The following MOB1B variants were observed in gnomAD, a reference collection of about 807,000 sequenced individuals.
MOB1B encodes MOB kinase activator 1B.
MOB1B carries 19 observed loss-of-function variants against 24.4 expected under a neutral mutation model. The observed-to-expected ratio is 0.78, with a 90% CI of 0.54 to 1.14. MOB1B has a LOEUF of 1.14. Ranked by LOEUF, MOB1B falls within the 50% of genes most tolerant of loss-of-function variation. The pLI is 0.00. For missense variants in MOB1B, 243 were observed against 259.6 expected (o/e 0.94, Z 0.44); for synonymous variants, 76 against 82.1 (o/e 0.93, Z 0.40).
At chr4:70,938,990 G>T (rs957147174) in intron 1 of MOB1B, among the ~76,000 whole-genome samples, 1 of 152,084 alleles carries the variant, frequency 6.6e-6, no homozygotes, top group Non-Finnish European at 1.5e-5. Context: ...CTGGCCCCTT[G>T]CAGTTCAAAT....
intron 1 of MOB1B, among the ~76,000 whole-genome samples, chr4:70,940,175 T>C (rs1037697583): frequency 6.6e-6 from 1 of 152,102 alleles, no homozygotes; most frequent in African/African-American, 2.4e-5. Flanking sequence ...GGGGTTTTTA[T>C]AGGCACAGGA....
At chr4:70,920,651 T>G (rs1736396887) in intron 1 of MOB1B, among the ~76,000 whole-genome samples, 1 of 152,220 alleles carries the variant, frequency 6.6e-6, no homozygotes, top group Non-Finnish European at 1.5e-5. Flanking sequence ...CTTACCCTTT[T>G]GCCAGCATGC....
At chr4:70,902,601 C>T (rs1196199498) in intron 1 of MOB1B, 51 bp downstream of exon 1, 2 of 1,501,290 alleles carry the variant, frequency 1.3e-6, no homozygotes, top group Non-Finnish European at 8.9e-7. Context: ...GGACCTGGGC[C>T]CCCGCCCGCC....
At chr4:70,971,707 A>C (rs540089070) in intron 3 of MOB1B, among the ~76,000 whole-genome samples, 3 of 152,158 alleles carry the variant, frequency 2.0e-5, no homozygotes, top group Non-Finnish European at 2.9e-5. Context: ...TCACTTGTGA[A>C]AATAGATGTC....
intron 1 of MOB1B, among the ~76,000 whole-genome samples, chr4:70,957,130 C>T (rs1335930310): frequency 2.7e-5 from 4 of 147,926 alleles, no homozygotes; most frequent in Non-Finnish European, 4.5e-5. Flanking sequence ...ATTCCACTTC[C>T]GTATTCATAT....
intron 1 of MOB1B, 51 bp from the exon 2 acceptor site, chr4:70,958,823 G>T: frequency 6.7e-7 from 1 of 1,482,294 alleles, no homozygotes; most frequent in South Asian, 1.2e-5. Context: ...TGACTCTATT[G>T]AATGTCATGC....
intron 1 of MOB1B, among the ~76,000 whole-genome samples, chr4:70,935,847 A>ATTTTTTT (rs11395356): frequency 6.0e-5 from 6 of 100,384 alleles, no homozygotes; most frequent in Admixed American, 1.3e-4. Flanking sequence ...TGGTACACTA[A>ATTTTTTT]TTTTTTTTTT....
rs572370590 is a variant in MOB1B at position 70,902,390 on chromosome 4, C to G, written c.-147C>G. 2.5e-6 allele frequency: 2 copies of G among 785,982 alleles called. No homozygotes were observed. Among genetic ancestry groups the G allele is most frequent in the South Asian group, 1.5e-5 (1 of 68,702 alleles). The allele number at this position is 785,982 out of a possible 1,614,324, so 48.7% of individuals were successfully genotyped here. A position where few individuals can be genotyped will look rare whatever the true frequency, so the allele number is the denominator to read the frequency against. On this transcript the variant is annotated 5_prime_UTR_variant, in exon 1 of 6. Coordinates refer to ENST00000309395, the MANE Select transcript of MOB1B (RefSeq NM_173468.4). ...TGCCATTGGAACTAGCTGAGCCGAA[C>G]TAGTTGCGGCCACCGAGCAGCCGGC...
At chr4:70,910,101 C>T (rs1393280205) in intron 1 of MOB1B, among the ~76,000 whole-genome samples, 4 of 151,386 alleles carry the variant, frequency 2.6e-5, no homozygotes, top group East Asian at 1.9e-4. Flanking sequence ...AGTGTAGTGG[C>T]GCTATCTTGG....
chr4:70,915,987 C>G (rs1578347407), intron 1 of MOB1B, among the ~76,000 whole-genome samples: 2 of 152,228 alleles, frequency 1.3e-5, no homozygotes, highest in East Asian at 3.9e-4. Flanking sequence ...GGTACCTATG[C>G]TGTCAGGAAT....
intron 2 of MOB1B, among the ~76,000 whole-genome samples, chr4:70,959,476 G>T (rs374306372): frequency 1.3e-5 from 2 of 152,044 alleles, no homozygotes; most frequent in South Asian, 4.1e-4. Context: ...AGCCTTTCAC[G>T]GTGCTAGGAT....
intron 1 of MOB1B, among the ~76,000 whole-genome samples, chr4:70,938,253 G>A (rs1560643911): frequency 7.6e-6 from 1 of 130,912 alleles, no homozygotes; most frequent in Non-Finnish European, 1.6e-5. Flanking sequence ...TTATTTCCTT[G>A]AAGAACTCCT....
At chr4:70,980,463 C>G (rs1040301058) in intron 5 of MOB1B, among the ~76,000 whole-genome samples, 13 of 152,188 alleles carry the variant, frequency 8.5e-5, no homozygotes, top group Admixed American at 3.9e-4. Flanking sequence ...GGGATTGATA[C>G]ATAGCATTTA....
At chr4:70,937,171 A>G (rs1202329502) in intron 1 of MOB1B, among the ~76,000 whole-genome samples, 1 of 151,960 alleles carries the variant, frequency 6.6e-6, no homozygotes, top group Non-Finnish European at 1.5e-5. Flanking sequence ...TCCTGCCTCA[A>G]CTTCCCAAAG....
chr4:70,904,413 C>T lies in MOB1B; in HGVS notation c.14+1863C>T, dbSNP rs535377102. Among the ~76,000 whole-genome samples the T allele has an allele frequency of 1.9e-3, 283 of 152,178 alleles. 1 individual carries two copies. The highest frequency in any genetic ancestry group is 6.4e-3 in the African/African-American group (267 of 41,532). ...TTTAGAAGCTGTATTCAAAATAGCA[C>T]TGTAGATGATATCCATGACTACTGC... is the stretch of plus-strand genomic sequence containing the variant. On this transcript the variant is annotated intron_variant, in intron 1 of 5. Coordinates refer to ENST00000309395, the MANE Select transcript of MOB1B (RefSeq NM_173468.4).
intron 3 of MOB1B, among the ~76,000 whole-genome samples, chr4:70,973,494 CAT>C (rs952383077): frequency 8.5e-6 from 1 of 117,778 alleles, no homozygotes; most frequent in Non-Finnish European, 1.8e-5. Context: ...AAAAAAAAAA[CAT>C]AATGATGGCT....
At chr4:70,920,705 G>A (rs1008331889) in intron 1 of MOB1B, among the ~76,000 whole-genome samples, 3 of 152,114 alleles carry the variant, frequency 2.0e-5, no homozygotes, top group African/African-American at 7.2e-5. Flanking sequence ...TAGTGACCCT[G>A]CTTGACTGTA....
chr4:70,936,914 C>CT lies in MOB1B; in HGVS notation c.15-21949dup, dbSNP rs1031949143. Among the ~76,000 whole-genome samples, 22 of 150,020 alleles carry CT rather than the reference C, an allele frequency of 1.5e-4. No homozygotes were observed. In the South Asian group the frequency reaches 2.3e-3, roughly 16 times the overall value. On this transcript the variant is annotated intron_variant, in intron 1 of 5. Transcript: ENST00000309395. ...GCTATTCAGAAGTCTAAATGGGTTTCTTTTTTTTTTTAATTTTTTTGAGAC... is the reference window on the plus strand; with the variant it reads ...GCTATTCAGAAGTCTAAATGGGTTTCTTTTTTTTTTTTAATTTTTTTGAGAC...
chr4:70,947,888 C>T (rs1051355799), intron 1 of MOB1B, among the ~76,000 whole-genome samples: 6 of 152,244 alleles, frequency 3.9e-5, no homozygotes, highest in South Asian at 2.1e-4. Flanking sequence ...GGATTACTGC[C>T]GTGCACCACT....
Sources: gnomAD v4.1 joint callset for allele counts (sites outside exome capture counted in the v4.1 genomes callset) on GRCh38, gnomAD v4.1.1 for gene constraint, MANE v1.5 for transcripts, NCBI Gene and HGNC (gene_info 2026-07-23, HGNC 2026-07-21) for gene names.